ATP2B2: variants seen among roughly 807,000 people sequenced by gnomAD.
ATP2B2 encodes the protein plasma membrane calcium-transporting ATPase 2.
Under a neutral mutation model 120.0 loss-of-function variants are expected in ATP2B2, and 15 were observed. The ratio of observed to expected loss-of-function variants is 0.12; its 90% confidence interval spans 0.08 to 0.19. The LOEUF (loss-of-function observed/expected upper bound fraction) is 0.19. Among genes scored for constraint, ATP2B2 ranks in the 10% least tolerant of loss-of-function variants. The pLI is 1.00. For missense variants in ATP2B2, 1,045 were observed against 1,719.8 expected (o/e 0.61, Z 6.94); for synonymous variants, 694 against 700.3 (o/e 0.99, Z 0.14).
intron 1 of ATP2B2, among the ~76,000 whole-genome samples, chr3:10,493,913 T>A (rs549424658): frequency 1.9e-3 from 284 of 152,246 alleles, no homozygotes; most frequent in Middle Eastern, 6.8e-3. Flanking sequence ...AGGGTCAGTG[T>A]GAACAGGGCC....
At chr3:10,477,055 G>A (rs1393387725) in intron 1 of ATP2B2, among the ~76,000 whole-genome samples, 1 of 152,182 alleles carries the variant, frequency 6.6e-6, no homozygotes, top group Non-Finnish European at 1.5e-5. Context: ...GCAGATTTTG[G>A]CTTGAAATGT....
At chr3:10,467,892 G>A (rs1300698859) in intron 1 of ATP2B2, among the ~76,000 whole-genome samples, 4 of 152,048 alleles carry the variant, frequency 2.6e-5, no homozygotes, top group Non-Finnish European at 4.4e-5. Flanking sequence ...CAATAATCCC[G>A]CTCTCCCCTG....
chr3:10,592,714 A>C (rs139131395), intron 2 of ATP2B2, among the ~76,000 whole-genome samples: 1 of 152,264 alleles, frequency 6.6e-6, no homozygotes, highest in Non-Finnish European at 1.5e-5. Flanking sequence ...CAACCCAAAC[A>C]CAAGTTAGTT....
chr3:10,450,961 C>T (rs968512251), intron 1 of ATP2B2, among the ~76,000 whole-genome samples: 4 of 152,106 alleles, frequency 2.6e-5, no homozygotes, highest in Admixed American at 2.0e-4. Flanking sequence ...CCATCCTGGG[C>T]CCAGGACGGT....
intron 1 of ATP2B2, among the ~76,000 whole-genome samples, chr3:10,488,302 TATCTATTCATTCACTC>T (rs2065789925): frequency 3.9e-5 from 2 of 50,796 alleles, no homozygotes; most frequent in Non-Finnish European, 4.0e-5. Context: ...CCCACCCACC[TATCTATTCATTCACTC>T]ACAAATCCAT....
chr3:10,328,716 G>C lies in ATP2B2; in HGVS notation c.*98C>G. The C allele has an allele frequency of 7.8e-7, 1 of 1,275,134 alleles. No homozygotes were observed. Among genetic ancestry groups the C allele is most frequent in the Non-Finnish European group, 1.1e-6 (1 of 929,590 alleles). The allele number at this position is 1,275,134 out of a possible 1,614,324, so 79.0% of individuals were successfully genotyped here. A position where few individuals can be genotyped will look rare whatever the true frequency, so the allele number is the denominator to read the frequency against. On this transcript the variant is annotated 3_prime_UTR_variant, in exon 23 of 23. Coordinates refer to ENST00000360273, the MANE Select transcript of ATP2B2 (RefSeq NM_001001331.4). The stretch of plus-strand genomic sequence containing the variant: ...ATTTGGTTTCCGATTGTTGCTCGTT[G>C]CTGCTTGGGTGAGTTGGGTGCCTGG...
chr3:10,553,503 C>T (rs1321953567), intron 2 of ATP2B2, among the ~76,000 whole-genome samples: 5 of 152,194 alleles, frequency 3.3e-5, no homozygotes, highest in Non-Finnish European at 7.3e-5. Flanking sequence ...ATGAAAACGC[C>T]TCTTTTAATA....
At chr3:10,451,090 T>C (rs2064029148) in intron 1 of ATP2B2, among the ~76,000 whole-genome samples, 1 of 152,214 alleles carries the variant, frequency 6.6e-6, no homozygotes, top group Non-Finnish European at 1.5e-5. Flanking sequence ...CTGGAGGCAT[T>C]CTAGGGCTAA....
At chr3:10,516,717 G>A (rs994699479) in intron 3 of ATP2B2, among the ~76,000 whole-genome samples, 1 of 152,204 alleles carries the variant, frequency 6.6e-6, no homozygotes, top group African/African-American at 2.4e-5. Context: ...CGGAGATTCA[G>A]TGATAAGGAA....
At chr3:10,429,576 C>G (rs887978420) in intron 2 of ATP2B2, among the ~76,000 whole-genome samples, 1 of 152,216 alleles carries the variant, frequency 6.6e-6, no homozygotes, top group Admixed American at 6.5e-5. Flanking sequence ...GACTGCTCCA[C>G]TAACCGGCTG....
chr3:10,433,367 C>T (rs1022725969), intron 2 of ATP2B2, among the ~76,000 whole-genome samples: 1 of 152,154 alleles, frequency 6.6e-6, no homozygotes, highest in African/African-American at 2.4e-5. Flanking sequence ...GCCCAGCTGA[C>T]AGCTCTAGGC....
At chr3:10,441,658 A>T (rs1291708046) in intron 2 of ATP2B2, among the ~76,000 whole-genome samples, 2 of 152,242 alleles carry the variant, frequency 1.3e-5, no homozygotes, top group Non-Finnish European at 2.9e-5. Flanking sequence ...ACTGCCCCTG[A>T]GAAAGCATAT....
At position 10,680,076 on chromosome 3, in the gene ATP2B2, T is replaced by TTGAA. The variant is rs931957277; in HGVS notation, c.-460+27835_-460+27838dup. 5.3e-5 allele frequency among the ~76,000 whole-genome samples: 8 copies of TTGAA among 152,300 alleles called. No homozygotes were observed. The South Asian group carries it at 1.0e-3, about 20-fold the overall frequency. On this transcript the variant is annotated intron_variant, in intron 1 of 21. Transcript: ENST00000646379. ...ATAGTAGGTGCTCAGTAAACATTTGTTGAATGAATGAATGAATGGTGTTGG... is the reference window on the plus strand; with the variant it reads ...ATAGTAGGTGCTCAGTAAACATTTGTTGAATGAATGAATGAATGAATGGTGTTGG...
intron 8 of ATP2B2, among the ~76,000 whole-genome samples, chr3:10,384,306 T>C (rs1245867133): frequency 2.6e-5 from 4 of 152,186 alleles, no homozygotes; most frequent in African/African-American, 7.2e-5. Context: ...GTGCCTGGTA[T>C]GCAGAGACGG....
intron 1 of ATP2B2, among the ~76,000 whole-genome samples, chr3:10,484,176 T>A (rs925043504): frequency 6.6e-6 from 1 of 151,990 alleles, no homozygotes; most frequent in Non-Finnish European, 1.5e-5. Context: ...TGGGGATGAG[T>A]CCAGGAGGGG....
chr3:10,565,796 T>A (rs1241365299), intron 2 of ATP2B2, among the ~76,000 whole-genome samples: 2 of 152,202 alleles, frequency 1.3e-5, no homozygotes, highest in Non-Finnish European at 2.9e-5. Context: ...ATACAGTGAT[T>A]AAGAGAATGA....
At chr3:10,497,095 GC>G (rs2066183498) in intron 1 of ATP2B2, among the ~76,000 whole-genome samples, 1 of 152,204 alleles carries the variant, frequency 6.6e-6, no homozygotes, top group African/African-American at 2.4e-5. Context: ...TCCCAGTTAG[GC>G]CCCTTCCACT....
chr3:10,414,071 A>C (rs907338945), intron 2 of ATP2B2, among the ~76,000 whole-genome samples: 8 of 152,218 alleles, frequency 5.3e-5, no homozygotes, highest in African/African-American at 1.9e-4. Context: ...TGAGGTCTGC[A>C]GGCCCTGAAA....
intron 2 of ATP2B2, among the ~76,000 whole-genome samples, chr3:10,573,891 C>T (rs753980164): frequency 1.7e-4 from 26 of 152,310 alleles, no homozygotes; most frequent in Admixed American, 1.4e-3. Flanking sequence ...ACGGCGTCTG[C>T]CTGGTCCTGC....
Sources: gnomAD v4.1 joint callset for allele counts (sites outside exome capture counted in the v4.1 genomes callset) on GRCh38, gnomAD v4.1.1 for gene constraint, MANE v1.5 for transcripts, NCBI Gene and HGNC (gene_info 2026-07-23, HGNC 2026-07-21) for gene names.